The following CSMD3 variants were observed in gnomAD, a reference collection of about 807,000 sequenced individuals.
CSMD3 encodes the protein CUB and Sushi multiple domains 3, also known as CUB and sushi domain-containing protein 3.
CSMD3 carries 177 observed loss-of-function variants against 435.2 expected under a neutral mutation model. The observed-to-expected ratio is 0.41, with a 90% CI of 0.36 to 0.46. The LOEUF (loss-of-function observed/expected upper bound fraction) is 0.46, where lower values mean the gene tolerates loss of function less well. Among genes scored for constraint, CSMD3 ranks in the 20% least tolerant of loss-of-function variants. CSMD3 has a pLI of 0.34. For synonymous variants in CSMD3, 1,656 were observed against 1,520.5 expected (o/e 1.09, Z -2.07); for missense variants, 4,265 against 4,504.6 (o/e 0.95, Z 1.52).
At chr8:113,215,176 T>G (rs530805940) in intron 3 of CSMD3, among the ~76,000 whole-genome samples, 1 of 152,028 alleles carries the variant, frequency 6.6e-6, no homozygotes, top group South Asian at 2.1e-4. Flanking sequence ...TGCTTATAAT[T>G]TTGACCACAA....
intron 1 of CSMD3, among the ~76,000 whole-genome samples, chr8:113,389,150 T>A (rs544981802): frequency 2.0e-5 from 3 of 151,784 alleles, no homozygotes; most frequent in East Asian, 3.9e-4. Context: ...CTGTGGCTAA[T>A]TCCCACTGTT....
chr8:112,316,756 T>A (rs1405435531), intron 47 of CSMD3, among the ~76,000 whole-genome samples: 1 of 151,912 alleles, frequency 6.6e-6, no homozygotes, highest in Non-Finnish European at 1.5e-5. Context: ...GCAGCCAATG[T>A]TTTTAAACCA....
chr8:113,061,059 T>G (rs901184204), intron 5 of CSMD3, among the ~76,000 whole-genome samples: 3 of 152,144 alleles, frequency 2.0e-5, no homozygotes, highest in Admixed American at 1.3e-4. Context: ...CCCTGGAGAT[T>G]TTTTGTCATC....
chr8:112,344,732 T>C (rs1177008706), intron 41 of CSMD3, among the ~76,000 whole-genome samples: 1 of 152,140 alleles, frequency 6.6e-6, no homozygotes, highest in Non-Finnish European at 1.5e-5. Context: ...ATATTAGTGA[T>C]GTAAGGGTAA....
intron 6 of CSMD3, among the ~76,000 whole-genome samples, chr8:112,980,759 T>C (rs2085021365): frequency 6.6e-6 from 1 of 151,508 alleles, no homozygotes; most frequent in Admixed American, 6.6e-5. Context: ...TTTTAAAAAT[T>C]TCGTTTTCAT....
chr8:113,010,598 T>C (rs575243112), intron 6 of CSMD3, among the ~76,000 whole-genome samples: 66 of 151,848 alleles, frequency 4.3e-4, no homozygotes, highest in African/African-American at 1.6e-3. Context: ...AGATAGTAAT[T>C]GAAATAAAAA....
chr8:113,337,864 AT>A (rs566306155), intron 1 of CSMD3, among the ~76,000 whole-genome samples: 1 of 151,296 alleles, frequency 6.6e-6, no homozygotes, highest in African/African-American at 2.4e-5. Flanking sequence ...CAAAAAAAAA[AT>A]GATAACTAAG....
At chr8:113,288,811 G>A (rs890497130) in intron 2 of CSMD3, among the ~76,000 whole-genome samples, 8 of 151,774 alleles carry the variant, frequency 5.3e-5, no homozygotes, top group Admixed American at 5.3e-4. Context: ...TATTGGGCAA[G>A]CTACTTTATT....
intron 1 of CSMD3, among the ~76,000 whole-genome samples, chr8:113,406,909 G>A (rs1365885518): frequency 6.6e-6 from 1 of 152,056 alleles, no homozygotes; most frequent in Non-Finnish European, 1.5e-5. Flanking sequence ...GTAGTTTATT[G>A]TTAAATTTAT....
chr8:112,983,988 T>C (rs1369917907), intron 6 of CSMD3, among the ~76,000 whole-genome samples: 1 of 151,968 alleles, frequency 6.6e-6, no homozygotes, highest in Non-Finnish European at 1.5e-5. Context: ...TGGTATTCTG[T>C]AGCAGCAAAT....
At chr8:112,588,767 T>C (rs1384109878) in intron 22 of CSMD3, among the ~76,000 whole-genome samples, 1 of 152,166 alleles carries the variant, frequency 6.6e-6, no homozygotes, top group Admixed American at 6.5e-5. Context: ...CTCTATGCTG[T>C]GTAACAACTT....
chr8:113,039,888 T>TA (rs1254818786), intron 5 of CSMD3, among the ~76,000 whole-genome samples: 1 of 152,228 alleles, frequency 6.6e-6, no homozygotes, highest in Non-Finnish European at 1.5e-5. Context: ...AACACTCTCT[T>TA]ACAAAAGTTA....
intron 22 of CSMD3, among the ~76,000 whole-genome samples, chr8:112,614,224 C>A (rs12679012): frequency 0.066 from 9,974 of 152,130 alleles, 444 homozygotes; most frequent in East Asian, 0.15. Flanking sequence ...GGGAACCCTG[C>A]AGCTGGAGTG....
intron 10 of CSMD3, among the ~76,000 whole-genome samples, chr8:112,892,606 C>T (rs1252344534): frequency 6.6e-6 from 1 of 151,480 alleles, no homozygotes; most frequent in Non-Finnish European, 1.5e-5. Flanking sequence ...ACATCAACAC[C>T]TACTGCCAGC....
chr8:113,360,115 AGT>A (rs1349032516), intron 1 of CSMD3, among the ~76,000 whole-genome samples: 12 of 152,164 alleles, frequency 7.9e-5, no homozygotes, highest in African/African-American at 2.2e-4. Context: ...TACTGTATAT[AGT>A]GTCTGTTTTA....
intron 5 of CSMD3, among the ~76,000 whole-genome samples, chr8:113,033,370 A>G (rs931131247): frequency 1.3e-5 from 2 of 151,702 alleles, no homozygotes; most frequent in African/African-American, 4.8e-5. Context: ...CACCCATTGC[A>G]TCAATATGCC....
At chr8:112,990,758 T>C (rs1326636805) in intron 6 of CSMD3, among the ~76,000 whole-genome samples, 3 of 151,738 alleles carry the variant, frequency 2.0e-5, no homozygotes, top group Non-Finnish European at 2.9e-5. Context: ...ATTATGAGAA[T>C]ATAGTACAGC....
chr8:112,954,480 G>A (rs1177938902), intron 8 of CSMD3, among the ~76,000 whole-genome samples: 2 of 151,548 alleles, frequency 1.3e-5, no homozygotes, highest in Non-Finnish European at 3.0e-5. Flanking sequence ...AATAATCTGA[G>A]GCTGGGAGTT....
At chr8:113,252,962 C>T (rs1052221442) in intron 3 of CSMD3, among the ~76,000 whole-genome samples, 2 of 152,064 alleles carry the variant, frequency 1.3e-5, no homozygotes, top group African/African-American at 4.8e-5. Context: ...CACGAGTGTT[C>T]GGCTTAAGGA....
Sources: gnomAD v4.1 joint callset for allele counts (sites outside exome capture counted in the v4.1 genomes callset) on GRCh38, gnomAD v4.1.1 for gene constraint, MANE v1.5 for transcripts, NCBI Gene and HGNC (gene_info 2026-07-23, HGNC 2026-07-21) for gene names.